The following NIP7 variants were observed in gnomAD, a reference collection of about 807,000 sequenced individuals.
NIP7 encodes 60S ribosome subunit biogenesis protein NIP7 homolog.
Under a neutral mutation model 20.1 loss-of-function variants are expected in NIP7, and 12 were observed. That is an observed-to-expected ratio of 0.60 (90% confidence interval 0.38 to 0.97). The LOEUF is 0.97. NIP7 is among the 50% of genes least tolerant of loss of function. The pLI is 0.00. For synonymous variants in NIP7, 103 were observed against 87.2 expected, an observed-to-expected ratio of 1.18 and a Z score of -1.01; for missense variants, 226 against 226.6, an observed-to-expected ratio of 1.00 and a Z score of 0.02.
At chr16:69,340,540 G>C (rs546823068) in intron 3 of NIP7, 20 of 632,694 alleles carry the variant, frequency 3.2e-5, no homozygotes, top group Non-Finnish European at 4.8e-5. Context: ...TTTCTCCAGC[G>C]AAGTAGAAGA....
rs767959925 is a variant in NIP7 at position 69,340,024 on chromosome 16, A to G, written c.75A>G (p.Gln25=). The change falls in exon 2 of 5, where the codon CAA becomes CAG. Residue 25 remains glutamine (Q), a synonymous_variant. Transcript: ENST00000254940. ...KIAKYIGENL[Q]LLVDRPDGTY... The stretch of plus-strand genomic sequence containing the variant: ...CCCTCAGCATTGGGGAGAATCTTCA[A>G]CTGCTGGTGGACCGGCCCGATGGCA... The G allele has an allele frequency of 2.5e-6, 4 of 1,613,982 alleles. No homozygotes were observed. Among genetic ancestry groups the G allele is most frequent in the Middle Eastern group, 1.6e-4 (1 of 6,062 alleles).
chr16:69,341,190 G>T lies in NIP7; in HGVS notation c.293G>T (p.Trp98Leu). 6.2e-7 allele frequency: 1 copy of T among 1,613,440 alleles called. No homozygotes were observed. Among genetic ancestry groups the T allele is most frequent in the Non-Finnish European group, 8.5e-7 (1 of 1,179,700 alleles). Residue 98 changes from tryptophan (W) to leucine (L), a missense_variant, in exon 4 of 5, where the codon TGG (tryptophan) becomes TTG (leucine). Coordinates refer to ENST00000254940, the MANE Select transcript of NIP7 (RefSeq NM_016101.5). ...YLAPYAKYKV[W>L]IKPGAEQSFL... ...TTAATTCTCTTATAGTATAAAGTTT[G>T]GATAAAGCCTGGTGCAGAGCAGTCC...
Position 69,340,195 on chromosome 16 carries a change from G to T in NIP7, c.145G>T (p.Glu49Ter). The T allele has an allele frequency of 6.2e-7, 1 of 1,614,154 alleles. No homozygotes were observed. Among genetic ancestry groups the T allele is most frequent in the Non-Finnish European group, 8.5e-7 (1 of 1,180,034 alleles). The stretch of plus-strand genomic sequence containing the variant: ...CTTGCTCCCCCTTTACCCTTTTAGT[G>T]AGAAGATTATGAAGCTGGCCGCCAA... ...LHNDRVYYVS[E>*]KIMKLAANIS... is the part of the protein sequence containing the mutation. The change falls in exon 3 of 5, where the codon GAG (glutamate) becomes TAG (stop). Residue 49 changes from glutamate to a stop codon, truncating the protein, a stop_gained and splice_region_variant. Transcript: ENST00000254940. LOFTEE classifies it high-confidence loss of function.
At position 69,342,849 on chromosome 16, in the gene NIP7, T is replaced by C. The variant is rs1429948797; in HGVS notation, c.*1197T>C. 6.6e-6 allele frequency: 1 copy of C among 152,154 alleles called. No homozygotes were observed. The highest frequency in any genetic ancestry group is 6.6e-5 in the Admixed American group (1 of 15,266). The allele number at this position is 152,154 out of a possible 1,614,324, so 9.4% of individuals were successfully genotyped here. Reference sequence around the variant, plus strand: ...AACAATTTTTTCTATGAACCTTTACTTACTTGACTGGATTGGACTAAAAGC... The same window carrying C: ...AACAATTTTTTCTATGAACCTTTACCTACTTGACTGGATTGGACTAAAAGC... On this transcript the variant is annotated 3_prime_UTR_variant, in exon 5 of 5. Coordinates refer to ENST00000254940, the MANE Select transcript of NIP7 (RefSeq NM_016101.5).
Position 69,341,596 on chromosome 16 carries a change from G to T in NIP7, c.487G>T (p.Val163Leu), listed in dbSNP as rs573297829. The change falls in exon 5 of 5, where the codon GTA (valine) becomes TTA (leucine). Residue 163 changes from valine to leucine, a missense_variant. Coordinates refer to ENST00000254940, the MANE Select transcript of NIP7 (RefSeq NM_016101.5). ...CRKVDPMAIV[V>L]FHQADIGEYV... is the part of the protein sequence containing the mutation. ...AAAAGTAGACCCCATGGCGATTGTGGTATTTCATCAAGCAGACATTGGGGA... is the reference window on the plus strand; with the variant it reads ...AAAAGTAGACCCCATGGCGATTGTGTTATTTCATCAAGCAGACATTGGGGA... 1 of 1,614,140 alleles carries T rather than the reference G, an allele frequency of 6.2e-7. No homozygotes were observed. The highest frequency in any genetic ancestry group is 8.5e-7 in the Non-Finnish European group (1 of 1,180,022).
In NIP7 at chr16:69,341,812, ATTC is replaced by A. The variant is rs1427217990; in HGVS notation, c.*163_*165del. 13 of 781,306 alleles carry A rather than the reference ATTC, an allele frequency of 1.7e-5. No individual in the cohort carries two copies. The highest frequency in any genetic ancestry group is 2.8e-5 in the Admixed American group (1 of 35,216). 48.4% of individuals were successfully genotyped at this position (781,306 alleles called of 1,614,324 possible). On this transcript the variant is annotated 3_prime_UTR_variant, in exon 5 of 5. Transcript: ENST00000254940. ...TCTATCACTGACAAATGCAGGCTGGATTCTTATTATATACAGAGATGGCTCAAA... is the reference window on the plus strand; with the variant it reads ...TCTATCACTGACAAATGCAGGCTGGATTATTATATACAGAGATGGCTCAAA...
chr16:69,341,514 CTCT>C lies in NIP7; in HGVS notation c.424-14_424-12del. 1 of 1,613,508 alleles carries C rather than the reference CTCT, an allele frequency of 6.2e-7. No homozygotes were observed. Among genetic ancestry groups the C allele is most frequent in the East Asian group, 2.2e-5 (1 of 44,880 alleles). ...TTGAATGACTTCAGTGAGTTAGTGT[CTCT>C]TCTTTTGAATCCCAGGGTTTTGGGG... is the stretch of plus-strand genomic sequence containing the variant. On this transcript the variant is annotated splice_polypyrimidine_tract_variant and intron_variant, in intron 4 of 4. Coordinates refer to ENST00000254940, the MANE Select transcript of NIP7 (RefSeq NM_016101.5).
chr16:69,341,159 T>C, intron 3 of NIP7, 21 bp from the exon 4 acceptor site: 1 of 1,604,312 alleles, frequency 6.2e-7, no homozygotes, highest in South Asian at 1.1e-5. Context: ...TTATGTCTCT[T>C]GGATTTTAAT....
chr16:69,340,143 G>A, intron 2 of NIP7, 51 bp downstream of exon 2: 1 of 1,613,436 alleles, frequency 6.2e-7, no homozygotes, highest in Non-Finnish European at 8.5e-7. Context: ...GGGGTCCTGG[G>A]TCCCACGAGC....
intron 1 of NIP7, 53 bp downstream of exon 1, chr16:69,339,938 G>A (rs867206320): frequency 6.2e-7 from 1 of 1,613,014 alleles, no homozygotes; most frequent in South Asian, 1.1e-5. Context: ...GGCCAAGGGT[G>A]GAGTGGGGGC....
Position 69,342,024 on chromosome 16 carries a change from C to T in NIP7, c.*372C>T, listed in dbSNP as rs1186316211. On this transcript the variant is annotated 3_prime_UTR_variant, in exon 5 of 5. Transcript: ENST00000254940. Reference sequence around the variant, plus strand: ...CTTTTTTATTAATATGCAACATAGACATTGCCATAACAGAATAATAAACCA... The same window carrying T: ...CTTTTTTATTAATATGCAACATAGATATTGCCATAACAGAATAATAAACCA... 3 of 164,112 alleles carry T rather than the reference C, an allele frequency of 1.8e-5. No individual in the cohort carries two copies. The highest frequency in any genetic ancestry group is 1.8e-4 in the Admixed American group (3 of 16,468). 10.2% of individuals were successfully genotyped at this position (164,112 alleles called of 1,614,324 possible).
Position 69,340,493 on chromosome 16 carries a change from A to G in NIP7, c.282+161A>G, listed in dbSNP as rs1250480277. The G allele has an allele frequency of 7.8e-6, 7 of 892,778 alleles. 1 individual carries two copies. The South Asian group carries it at 8.4e-5, about 11-fold the overall frequency. 55.3% of individuals were successfully genotyped at this position (892,778 alleles called of 1,614,324 possible). A position where few individuals can be genotyped will look rare whatever the true frequency, so the allele number is the denominator to read the frequency against. ...TTGCAGCTTGAGCATGGTCAGGGCT[A>G]TGGGATAGGAATGCTATGTGGCTGC... On this transcript the variant is annotated intron_variant, in intron 3 of 4. Coordinates refer to ENST00000254940, the MANE Select transcript of NIP7 (RefSeq NM_016101.5).
Position 69,339,836 on chromosome 16 carries a change from C to T in NIP7, c.7C>T (p.Pro3Ser), listed in dbSNP as rs1359457318. The change falls in exon 1 of 5, where the codon CCT (proline) becomes TCT (serine). Residue 3 changes from proline to serine, a missense_variant. Pro to Ser is a moderately conservative substitution (Grantham distance 74). Coordinates refer to ENST00000254940, the MANE Select transcript of NIP7 (RefSeq NM_016101.5). MR[P>S]LTEEETRVMF... is the part of the protein sequence containing the mutation. ...TTCCAACCCAGGGGGAAAAATGCGG[C>T]CTTTGACTGAAGAGGAGACCCGTGT... is the stretch of plus-strand genomic sequence containing the variant. 6.2e-7 allele frequency: 1 copy of T among 1,612,914 alleles called. No homozygotes were observed.
chr16:69,340,458 T>A, intron 3 of NIP7, 126 bp downstream of exon 3: 1 of 1,187,626 alleles, frequency 8.4e-7, no homozygotes, highest in Non-Finnish European at 1.2e-6. Flanking sequence ...CATGGAGATG[T>A]GTAGAGGTCT....
rs2012565701 is a variant in NIP7, at chr16:69,341,830, G to A, written c.*178G>A. 4 of 620,836 alleles carry A rather than the reference G, an allele frequency of 6.4e-6. No individual in the cohort carries two copies. In the South Asian group the frequency reaches 7.9e-5, roughly 12 times the overall value. The allele number at this position is 620,836 out of a possible 1,614,324, so 38.5% of individuals were successfully genotyped here. A position where few individuals can be genotyped will look rare whatever the true frequency, so the allele number is the denominator to read the frequency against. ...AGGCTGGATTCTTATTATATACAGA[G>A]ATGGCTCAAAAATGGGGTTTCAGAT... is the stretch of plus-strand genomic sequence containing the variant. On this transcript the variant is annotated 3_prime_UTR_variant, in exon 5 of 5. Transcript: ENST00000254940.
In NIP7 at chr16:69,341,391, T is replaced by C. The variant is rs767735164; in HGVS notation, c.423+71T>C. 3 of 1,575,176 alleles carry C rather than the reference T, an allele frequency of 1.9e-6. No individual in the cohort carries two copies. In the South Asian group the frequency reaches 3.4e-5, roughly 18 times the overall value. ...AAGAAGGGTATGTCTTCAATCTGAG[T>C]GCTTGAGAGAATAAATTCTCAGCAC... On this transcript the variant is annotated intron_variant, in intron 4 of 4. Transcript: ENST00000254940.
intron 3 of NIP7, 98 bp downstream of exon 3, chr16:69,340,430 C>A: frequency 1.4e-6 from 2 of 1,449,810 alleles, no homozygotes; most frequent in Non-Finnish European, 9.4e-7. Flanking sequence ...TGACAGTGTG[C>A]TTGGAGGAGT....
Position 69,341,725 on chromosome 16 carries a change from A to G in NIP7, c.*73A>G, listed in dbSNP as rs1312674756. On this transcript the variant is annotated 3_prime_UTR_variant, in exon 5 of 5. Coordinates refer to ENST00000254940, the MANE Select transcript of NIP7 (RefSeq NM_016101.5). ...TGTTTCCTGTGTTTGTGTGGACTCC[A>G]CCATCATGTTGAATTTTGTCAACAC... is the stretch of plus-strand genomic sequence containing the variant. The G allele has an allele frequency of 6.3e-6, 10 of 1,578,616 alleles. No homozygotes were observed. Among genetic ancestry groups the G allele is most frequent in the African/African-American group, 2.7e-5 (2 of 73,836 alleles).
In NIP7 at chr16:69,341,301, C is replaced by A; in HGVS notation, c.404C>A (p.Ser135Tyr). The change falls in exon 4 of 5, where the codon TCC becomes TAC. Residue 135 changes from serine (S) to tyrosine (Y), a missense_variant. Physicochemically the swap from Ser to Tyr is moderately radical, Grantham distance 144. Coordinates refer to ENST00000254940, the MANE Select transcript of NIP7 (RefSeq NM_016101.5). Reference protein sequence around the residue: ...TSQYQGVVVYSMADIPLGFGV... With the variant: ...TSQYQGVVVYYMADIPLGFGV... ...CAGTACCAGGGCGTGGTGGTGTACT[C>A]CATGGCAGACATCCCTTTGGTGAGT... 1 of 1,614,048 alleles carries A rather than the reference C, an allele frequency of 6.2e-7. No homozygotes were observed. Among genetic ancestry groups the A allele is most frequent in the Middle Eastern group, 1.6e-4 (1 of 6,062 alleles).
Sources: gnomAD v4.1 joint callset for allele counts on GRCh38, gnomAD v4.1.1 for gene constraint, MANE v1.5 for transcripts, NCBI Gene and HGNC (gene_info 2026-07-23, HGNC 2026-07-21) for gene names.